RARRES1: variants seen among roughly 807,000 people sequenced by gnomAD.
RARRES1 encodes retinoic acid receptor responder 1.
Under a neutral mutation model 30.6 loss-of-function variants are expected in RARRES1, and 34 were observed. That is an observed-to-expected ratio of 1.11 (90% confidence interval 0.84 to 1.48). The LOEUF is 1.48. Among genes scored for constraint, RARRES1 ranks in the 40% most tolerant of loss-of-function variants. The probability of loss-of-function intolerance (pLI) is 0.00; values close to 1 mark genes in which losing one functional copy is unlikely to be tolerated. For missense variants in RARRES1, 373 were observed against 386.5 expected (o/e 0.97, Z 0.29); for synonymous variants, 153 against 155.5 (o/e 0.98, Z 0.12).
intron 1 of RARRES1, among the ~76,000 whole-genome samples, chr3:158,727,976 ATAACT>A (rs1191616517): frequency 2.0e-5 from 3 of 152,200 alleles, no homozygotes; most frequent in Admixed American, 6.5e-5. Context: ...AAAATGAAAG[ATAACT>A]TGACGCGCCA....
chr3:158,729,856 C>G (rs1308414420), intron 1 of RARRES1, among the ~76,000 whole-genome samples: 2 of 152,182 alleles, frequency 1.3e-5, no homozygotes, highest in Admixed American at 1.3e-4. Context: ...GCAGGGAATC[C>G]TGCCCCTGGT....
intron 4 of RARRES1, among the ~76,000 whole-genome samples, chr3:158,700,527 A>G (rs1475360177): frequency 6.6e-6 from 1 of 152,090 alleles, no homozygotes; most frequent in Non-Finnish European, 1.5e-5. Context: ...ACATCCCCTT[A>G]CATTTTTGTT....
intron 4 of RARRES1, among the ~76,000 whole-genome samples, chr3:158,698,865 T>C (rs977372854): frequency 6.6e-5 from 10 of 152,218 alleles, no homozygotes; most frequent in Non-Finnish European, 2.9e-5. Flanking sequence ...TCAGCCTTTT[T>C]CCCTGTTCTC....
chr3:158,704,210 C>CTTTTTTTTTTT (rs78169321), intron 4 of RARRES1, among the ~76,000 whole-genome samples: 1 of 82,808 alleles, frequency 1.2e-5, no homozygotes, highest in Non-Finnish European at 2.3e-5. Context: ...TATTGCAATA[C>CTTTTTTTTTTT]TTTTTTTTTT....
At chr3:158,730,642 G>T (rs1400092799) in intron 1 of RARRES1, among the ~76,000 whole-genome samples, 1 of 151,726 alleles carries the variant, frequency 6.6e-6, no homozygotes, top group Non-Finnish European at 1.5e-5. Flanking sequence ...GGCAGAGATG[G>T]TACTTTGCCA....
chr3:158,700,925 G>C (rs183305006), intron 4 of RARRES1, among the ~76,000 whole-genome samples: 1 of 151,888 alleles, frequency 6.6e-6, no homozygotes, highest in African/African-American at 2.4e-5. Flanking sequence ...AGGGAGCAAA[G>C]GATCTCTAAC....
chr3:158,720,288 G>T (rs924409029), intron 1 of RARRES1, among the ~76,000 whole-genome samples: 14 of 151,818 alleles, frequency 9.2e-5, no homozygotes, highest in African/African-American at 3.4e-4. Flanking sequence ...GAGAGAGAGA[G>T]AGAGAGAGAG....
chr3:158,724,431 G>T (rs992162101), intron 1 of RARRES1, among the ~76,000 whole-genome samples: 1 of 152,110 alleles, frequency 6.6e-6, no homozygotes, highest in African/African-American at 2.4e-5. Flanking sequence ...TAATCACAAG[G>T]GTCCTATGAG....
intron 4 of RARRES1, among the ~76,000 whole-genome samples, chr3:158,699,888 T>C (rs766778007): frequency 2.7e-4 from 41 of 152,192 alleles, no homozygotes; most frequent in Non-Finnish European, 4.0e-4. Context: ...TTAGCCTTGT[T>C]AGACCTTCAT....
At chr3:158,719,863 C>G (rs980177067) in intron 1 of RARRES1, among the ~76,000 whole-genome samples, 1 of 152,104 alleles carries the variant, frequency 6.6e-6, no homozygotes, top group Non-Finnish European at 1.5e-5. Context: ...GTAAATGATC[C>G]TCAAATCCTT....
intron 4 of RARRES1, among the ~76,000 whole-genome samples, chr3:158,701,994 T>TA (rs1726742036): frequency 1.3e-5 from 2 of 152,126 alleles, no homozygotes; most frequent in South Asian, 2.1e-4. Context: ...CTAAAACTCT[T>TA]AGTCAATGAC....
intron 4 of RARRES1, among the ~76,000 whole-genome samples, chr3:158,703,577 T>C (rs1002266473): frequency 2.0e-5 from 3 of 152,142 alleles, no homozygotes; most frequent in African/African-American, 7.2e-5. Context: ...TACCCCAATC[T>C]GCCTTTTGTC....
At chr3:158,698,259 T>TA (rs1375711229) in intron 4 of RARRES1, 1 of 369,320 alleles carries the variant, frequency 2.7e-6, no homozygotes, top group African/African-American at 2.1e-5. Context: ...AGGATCTAGA[T>TA]ACTGTATATA....
chr3:158,704,566 C>A, intron 4 of RARRES1: 1 of 526,530 alleles, frequency 1.9e-6, no homozygotes, highest in Non-Finnish European at 3.0e-6. Context: ...TATCTTCTCT[C>A]ACTAGAATTA....
intron 4 of RARRES1, among the ~76,000 whole-genome samples, chr3:158,701,745 C>G (rs1299854687): frequency 6.6e-6 from 1 of 152,170 alleles, no homozygotes; most frequent in Non-Finnish European, 1.5e-5. Flanking sequence ...ATTTGAAAAT[C>G]TTTGTGGATA....
chr3:158,710,134 T>A (rs1727063168), intron 3 of RARRES1, among the ~76,000 whole-genome samples: 1 of 151,880 alleles, frequency 6.6e-6, no homozygotes, highest in African/African-American at 2.4e-5. Flanking sequence ...ATATCCTATT[T>A]CAAAATCCTG....
At position 158,723,683 on chromosome 3, in the gene RARRES1, G is replaced by T. The variant is rs531354176; in HGVS notation, c.276+8457C>A. 1.7e-4 allele frequency among the ~76,000 whole-genome samples: 26 copies of T among 152,294 alleles called. No homozygotes were observed. The South Asian group carries it at 5.2e-3, about 30-fold the overall frequency. On this transcript the variant is annotated intron_variant, in intron 1 of 5. Coordinates refer to ENST00000237696, the MANE Select transcript of RARRES1 (RefSeq NM_206963.2). This position sits in a 1 kb window ranked among gnomAD's most constrained non-coding sequence, Gnocchi z 4.4. Reference sequence around the variant, plus strand: ...CCTGGGTCCCACGTTCTTGATTTGGGGTAGGAAGCGAGTGGAAGTGGCCAG... The same window carrying T: ...CCTGGGTCCCACGTTCTTGATTTGGTGTAGGAAGCGAGTGGAAGTGGCCAG...
At chr3:158,721,377 T>G (rs1042838766) in intron 1 of RARRES1, among the ~76,000 whole-genome samples, 2 of 152,184 alleles carry the variant, frequency 1.3e-5, no homozygotes, top group Non-Finnish European at 2.9e-5. Context: ...CACCGACTTT[T>G]GATTCAGGAG....
chr3:158,713,183 C>T (rs1727202548), intron 2 of RARRES1, among the ~76,000 whole-genome samples: 1 of 152,142 alleles, frequency 6.6e-6, no homozygotes, highest in Non-Finnish European at 1.5e-5. Flanking sequence ...CGCCCATGCT[C>T]TGATTGCCGC....
Sources: allele counts gnomAD v4.1 joint callset (sites outside exome capture counted in the v4.1 genomes callset), GRCh38; gene constraint gnomAD v4.1.1; non-coding constraint Gnocchi (gnomAD v3.1); transcripts MANE v1.5; gene names NCBI Gene and HGNC (gene_info 2026-07-23, HGNC 2026-07-21).